The following PRKCB variants were observed in gnomAD, a reference collection of about 807,000 sequenced individuals.
PRKCB encodes the protein protein kinase C beta.
In PRKCB, 13 loss-of-function variants were observed where a neutral mutation model predicts 81.5. The ratio of observed to expected loss-of-function variants is 0.16; its 90% CI spans 0.10 to 0.25. The LOEUF is 0.25. Ranked by LOEUF, PRKCB falls within the 10% of genes least tolerant of loss-of-function variation. The pLI is 1.00. For synonymous variants in PRKCB, 335 were observed against 321.4 expected (o/e 1.04, Z -0.45); for missense variants, 509 against 875.7 (o/e 0.58, Z 5.29).
chr16:24,135,310 C>CTTT (rs33975464), intron 9 of PRKCB, among the ~76,000 whole-genome samples: 24,255 of 111,762 alleles, frequency 0.22, 2,668 homozygotes, highest in South Asian at 0.35. Flanking sequence ...CTCAGTGTCC[C>CTTT]TTTTTTTTTT....
chr16:24,159,203 T>C (rs1967216397), intron 10 of PRKCB, among the ~76,000 whole-genome samples: 1 of 152,256 alleles, frequency 6.6e-6, no homozygotes, highest in Non-Finnish European at 1.5e-5. Flanking sequence ...CGTTGCTTCA[T>C]TCCAGCCTCA....
intron 3 of PRKCB, among the ~76,000 whole-genome samples, chr16:24,007,822 CA>C (rs1207729876): frequency 6.6e-6 from 1 of 152,158 alleles, no homozygotes; most frequent in Non-Finnish European, 1.5e-5. Context: ...AATCAAAAGG[CA>C]GATGGCCTTG....
rs1200526403 is a variant in PRKCB, at chr16:24,072,588, CT to C, written c.530-20193del. ...TAACTCTCTCTTTCTCTCTCTCTCT[CT>C]TTTTTTTTTGAGATGGAGTTTCCCT... On this transcript the variant is annotated intron_variant, in intron 5 of 16. Transcript: ENST00000643927. Among the ~76,000 whole-genome samples, 26 of 143,836 alleles carry C rather than the reference CT, an allele frequency of 1.8e-4. No individual in the cohort carries two copies. The South Asian group carries it at 2.0e-3, about 11-fold the overall frequency. 94.4% of individuals were successfully genotyped at this position (143,836 alleles called of 152,430 possible).
chr16:24,064,273 C>T (rs116304721), intron 5 of PRKCB, among the ~76,000 whole-genome samples: 2,351 of 152,132 alleles, frequency 0.015, 56 homozygotes, highest in African/African-American at 0.054. Context: ...ATTTTTCAGC[C>T]TATCTTCTTT....
chr16:24,109,487 G>A (rs1178730959), intron 7 of PRKCB, among the ~76,000 whole-genome samples: 12 of 115,962 alleles, frequency 1.0e-4, no homozygotes, highest in East Asian at 2.4e-4. Context: ...GGGCAGAGGC[G>A]CTCCCCACAT....
At chr16:23,881,358 T>A (rs1963104341) in intron 2 of PRKCB, among the ~76,000 whole-genome samples, 1 of 149,904 alleles carries the variant, frequency 6.7e-6, no homozygotes, top group African/African-American at 2.5e-5. Flanking sequence ...GTTCAAGCAA[T>A]TCTCCCGCCT....
At chr16:23,869,045 T>G in intron 2 of PRKCB, 1 of 444,956 alleles carries the variant, frequency 2.2e-6, no homozygotes, top group Non-Finnish European at 4.5e-6. Context: ...GTCTCAATTA[T>G]TTGCTCCCAC....
At chr16:24,149,809 G>A (rs1195698909) in intron 9 of PRKCB, among the ~76,000 whole-genome samples, 1 of 152,154 alleles carries the variant, frequency 6.6e-6, no homozygotes, top group Non-Finnish European at 1.5e-5. Flanking sequence ...AGCTACCTAT[G>A]TAATAATTTT....
At chr16:23,861,812 G>A (rs1466753345) in intron 2 of PRKCB, among the ~76,000 whole-genome samples, 2 of 152,192 alleles carry the variant, frequency 1.3e-5, no homozygotes, top group Non-Finnish European at 2.9e-5. Context: ...TGTAAAAAGA[G>A]GGAGAGGATC....
At chr16:23,973,025 T>C (rs1433479056) in intron 2 of PRKCB, among the ~76,000 whole-genome samples, 1 of 152,222 alleles carries the variant, frequency 6.6e-6, no homozygotes, top group Non-Finnish European at 1.5e-5. Context: ...AGCAACTCCA[T>C]GAGTAGGTAC....
intron 3 of PRKCB, among the ~76,000 whole-genome samples, chr16:24,030,316 A>T (rs1965535031): frequency 6.6e-6 from 1 of 150,878 alleles, no homozygotes; most frequent in Non-Finnish European, 1.5e-5. Flanking sequence ...AGGCTTACAA[A>T]GGGCATGGTC....
At chr16:24,077,920 A>G (rs1966201352) in intron 5 of PRKCB, among the ~76,000 whole-genome samples, 1 of 152,222 alleles carries the variant, frequency 6.6e-6, no homozygotes, top group Non-Finnish European at 1.5e-5. Flanking sequence ...TATTGAAGAT[A>G]TGAGAAAATA....
chr16:24,041,179 A>G (rs1444311723), intron 5 of PRKCB, among the ~76,000 whole-genome samples: 1 of 151,866 alleles, frequency 6.6e-6, no homozygotes, highest in Non-Finnish European at 1.5e-5. Flanking sequence ...CCTCCCGAGT[A>G]GCTGCGACTA....
intron 2 of PRKCB, among the ~76,000 whole-genome samples, chr16:23,895,499 A>T (rs886300931): frequency 2.6e-5 from 4 of 152,142 alleles, no homozygotes; most frequent in Non-Finnish European, 5.9e-5. Context: ...CAAAAATTGG[A>T]TAGTATGCTC....
chr16:24,002,650 T>C (rs1394997628), intron 3 of PRKCB, among the ~76,000 whole-genome samples: 1 of 152,092 alleles, frequency 6.6e-6, no homozygotes, highest in East Asian at 1.9e-4. Flanking sequence ...GCATAGGTGT[T>C]TTTTAAGCCT....
intron 8 of PRKCB, among the ~76,000 whole-genome samples, chr16:24,119,152 T>C (rs548316687): frequency 6.6e-6 from 1 of 151,656 alleles, no homozygotes; most frequent in East Asian, 1.9e-4. Context: ...CCAGGGTTAT[T>C]AGACTTCTGA....
intron 2 of PRKCB, among the ~76,000 whole-genome samples, chr16:23,865,263 GTT>G (rs1491512466): frequency 2.4e-5 from 1 of 41,700 alleles, no homozygotes; most frequent in African/African-American, 9.6e-5. Context: ...TTTCTGTTTT[GTT>G]TGTGTGTGTG....
chr16:24,176,363 T>C (rs572525791), intron 12 of PRKCB, among the ~76,000 whole-genome samples: 1 of 152,254 alleles, frequency 6.6e-6, no homozygotes, highest in East Asian at 1.9e-4. Flanking sequence ...CAGTGAGCTA[T>C]GATTGTGCCA....
intron 2 of PRKCB, among the ~76,000 whole-genome samples, chr16:23,965,454 G>A (rs1025854461): frequency 6.6e-6 from 1 of 152,176 alleles, no homozygotes; most frequent in Non-Finnish European, 1.5e-5. Context: ...CTTGAATCTG[G>A]AGCAGTGCCT....
Sources: allele counts gnomAD v4.1 joint callset (sites outside exome capture counted in the v4.1 genomes callset), GRCh38; gene constraint gnomAD v4.1.1; transcripts MANE v1.5; gene names NCBI Gene and HGNC (gene_info 2026-07-23, HGNC 2026-07-21).